Variants in FAM133A observed in about 807,000 individuals in gnomAD.
FAM133A encodes protein FAM133A.
For synonymous variants in FAM133A, 65 were observed against 58.6 expected (o/e 1.11, Z -0.50); for missense variants, 159 against 164.4 (o/e 0.97, Z 0.18).
intron 2 of FAM133A, among the ~76,000 whole-genome samples, chrX:93,690,040 G>GAA (rs375155088): frequency 8.0e-5 from 8 of 99,763 alleles, no homozygotes; most frequent in Non-Finnish European, 1.4e-4. Flanking sequence ...ATGAAAACTG[G>GAA]AAAAAAAAAA....
intron 3 of FAM133A, among the ~76,000 whole-genome samples, chrX:93,702,487 G>A (rs1926764413): frequency 9.0e-6 from 1 of 110,846 alleles, no homozygotes. Context: ...AATCGATACT[G>A]GTATAAATAA....
chrX:93,696,121 A>G (rs981191428), intron 2 of FAM133A, among the ~76,000 whole-genome samples: 2 of 111,962 alleles, frequency 1.8e-5, no homozygotes, highest in Non-Finnish European at 1.9e-5. Context: ...CAGTCTAACC[A>G]GTTCTAAGCC....
chrX:93,692,724 A>G (rs1325371398), intron 2 of FAM133A, among the ~76,000 whole-genome samples: 1 of 111,468 alleles, frequency 9.0e-6, no homozygotes, highest in African/African-American at 3.3e-5. Flanking sequence ...GCACTGTCAT[A>G]TTTTTAATTA....
rs910186163 is a variant in FAM133A at position 93,679,236 on chromosome X, A to G, written c.-193+4484A>G. On this transcript the variant is annotated intron_variant, in intron 2 of 3. Coordinates refer to ENST00000683942, the MANE Select transcript of FAM133A (RefSeq NM_001171109.2). ...AATAAATTATAGTTAAAAAAAGAAT[A>G]GTAATAAAACATTGGTTGTTATGAT... 2.7e-5 allele frequency among the ~76,000 whole-genome samples: 3 copies of G among 111,352 alleles called. No homozygotes were observed. In the East Asian group the frequency reaches 8.5e-4, roughly 32 times the overall value.
intron 2 of FAM133A, among the ~76,000 whole-genome samples, chrX:93,697,170 TATA>T (rs1569350916): frequency 9.5e-5 from 8 of 83,866 alleles, no homozygotes; most frequent in African/African-American, 4.6e-4. Flanking sequence ...AGGCAAGTTA[TATA>T]TATATATATA....
At chrX:93,675,197 T>C (rs1461780658) in intron 2 of FAM133A, among the ~76,000 whole-genome samples, 2 of 111,782 alleles carry the variant, frequency 1.8e-5, no homozygotes, top group East Asian at 5.6e-4. Context: ...ATTCCAACAG[T>C]AGTAAAAACA....
At chrX:93,694,792 CT>C (rs955312861) in intron 2 of FAM133A, among the ~76,000 whole-genome samples, 2 of 110,773 alleles carry the variant, frequency 1.8e-5, no homozygotes, top group Non-Finnish European at 3.8e-5. Flanking sequence ...TACTGACTCT[CT>C]TTTTAGTGAT....
intron 2 of FAM133A, among the ~76,000 whole-genome samples, chrX:93,679,716 C>T (rs910227709): frequency 2.9e-5 from 3 of 104,259 alleles, no homozygotes; most frequent in South Asian, 4.2e-4. Flanking sequence ...CAAAATCTCT[C>T]TTACCTCATT....
At chrX:93,685,060 G>A (rs905975969) in intron 2 of FAM133A, among the ~76,000 whole-genome samples, 2 of 111,929 alleles carry the variant, frequency 1.8e-5, no homozygotes, top group African/African-American at 3.2e-5. Context: ...TTCTTGGGAT[G>A]ACAATAAAGT....
chrX:93,681,026 C>T (rs1208256404), intron 2 of FAM133A, among the ~76,000 whole-genome samples: 1 of 111,036 alleles, frequency 9.0e-6, no homozygotes, highest in East Asian at 2.8e-4. Context: ...AAATGTAAAA[C>T]CACATCACGG....
chrX:93,693,461 T>A (rs970926431), intron 2 of FAM133A, among the ~76,000 whole-genome samples: 1 of 111,458 alleles, frequency 9.0e-6, no homozygotes, highest in African/African-American at 3.3e-5. Context: ...TATATCCTTG[T>A]GACAGCATGA....
intron 2 of FAM133A, among the ~76,000 whole-genome samples, chrX:93,697,864 A>G (rs1439880973): frequency 8.9e-6 from 1 of 111,951 alleles, no homozygotes; most frequent in Non-Finnish European, 1.9e-5. Context: ...ACTGAGGAAC[A>G]TTAAAAATGA....
intron 3 of FAM133A, among the ~76,000 whole-genome samples, chrX:93,702,857 A>C (rs1317017841): frequency 3.9e-4 from 41 of 105,059 alleles, no homozygotes; most frequent in African/African-American, 1.2e-3. Context: ...AAAAAAAAAA[A>C]AAAAAAAAAA....
chrX:93,690,027 G>A (rs1178437344), intron 2 of FAM133A, among the ~76,000 whole-genome samples: 1 of 108,561 alleles, frequency 9.2e-6, no homozygotes, highest in East Asian at 2.9e-4. Context: ...CCAACTATAT[G>A]AGATGAAAAC....
In FAM133A at chrX:93,710,211, T is replaced by C; in HGVS notation, c.*45T>C. 9.0e-7 allele frequency: 1 copy of C among 1,116,432 alleles called. No homozygotes were observed. The highest frequency in any genetic ancestry group is 1.2e-6 in the Non-Finnish European group (1 of 853,646). The allele number at this position is 1,116,432 out of a possible 1,213,427, so 92.0% of individuals were successfully genotyped here. A position where few individuals can be genotyped will look rare whatever the true frequency, so the allele number is the denominator to read the frequency against. ...AATGAGTTTGCCGAGTTCCCCTGTG[T>C]TAGTAGAATTATTTCTGGACTTTGA... On this transcript the variant is annotated 3_prime_UTR_variant, in exon 4 of 4. Transcript: ENST00000683942.
At chrX:93,681,697 G>T (rs1179318348) in intron 2 of FAM133A, among the ~76,000 whole-genome samples, 1 of 111,663 alleles carries the variant, frequency 9.0e-6, no homozygotes, top group Admixed American at 9.5e-5. Context: ...TCATTACTTT[G>T]ATTTAGCAAC....
intron 2 of FAM133A, among the ~76,000 whole-genome samples, chrX:93,696,592 G>A (rs767171617): frequency 1.8e-5 from 2 of 111,287 alleles, no homozygotes; most frequent in Admixed American, 9.5e-5. Context: ...CGGGACATAG[G>A]GGGAGGGGAA....
At chrX:93,680,484 G>T (rs1925060981) in intron 2 of FAM133A, among the ~76,000 whole-genome samples, 1 of 110,838 alleles carries the variant, frequency 9.0e-6, no homozygotes, top group Non-Finnish European at 1.9e-5. Context: ...TAGATCATAT[G>T]GTAGTTCCAT....
rs748740241 is a variant in FAM133A at position 93,710,191 on chromosome X, G to A, written c.*25G>A. 8.8e-7 allele frequency: 1 copy of A among 1,140,853 alleles called. No homozygotes were observed. Among genetic ancestry groups the A allele is most frequent in the Non-Finnish European group, 1.2e-6 (1 of 867,498 alleles). The allele number at this position is 1,140,853 out of a possible 1,213,427, so 94.0% of individuals were successfully genotyped here. On this transcript the variant is annotated 3_prime_UTR_variant, in exon 4 of 4. Coordinates refer to ENST00000683942, the MANE Select transcript of FAM133A (RefSeq NM_001171109.2). The stretch of plus-strand genomic sequence containing the variant: ...ACATCAAGAAAAAAAGCAAGAATGA[G>A]TTTGCCGAGTTCCCCTGTGTTAGTA...
Sources: allele counts gnomAD v4.1 joint callset (sites outside exome capture counted in the v4.1 genomes callset), GRCh38; gene constraint gnomAD v4.1.1; transcripts MANE v1.5; gene names NCBI Gene and HGNC (gene_info 2026-07-23, HGNC 2026-07-21).